Variants in HMBOX1 observed in about 807,000 individuals in gnomAD.
HMBOX1 encodes homeobox containing 1.
In HMBOX1, 14 loss-of-function variants were observed where a neutral mutation model predicts 54.5. That is an observed-to-expected ratio of 0.26 (90% CI 0.17 to 0.40). HMBOX1 has a LOEUF of 0.40. Among genes scored for constraint, HMBOX1 ranks in the 10% least tolerant of loss-of-function variants. The pLI, the probability that HMBOX1 is intolerant of heterozygous loss-of-function variation, is 1.00. For missense variants in HMBOX1, 332 were observed against 514.4 expected (o/e 0.65, Z 3.43); for synonymous variants, 160 against 181.0 (o/e 0.88, Z 0.93).
intron 1 of HMBOX1, among the ~76,000 whole-genome samples, chr8:28,956,353 G>A (rs956710250): frequency 3.3e-5 from 5 of 151,072 alleles, no homozygotes; most frequent in African/African-American, 9.7e-5. Flanking sequence ...AATTTTTAAC[G>A]TTTTGTTTAT....
At chr8:29,030,304 G>A (rs555227480) in intron 6 of HMBOX1, among the ~76,000 whole-genome samples, 1 of 151,252 alleles carries the variant, frequency 6.6e-6, no homozygotes, top group South Asian at 2.1e-4. Context: ...TGCAACATCC[G>A]CCTCCCAGGT....
chr8:28,943,810 C>T (rs764788855), intron 1 of HMBOX1, among the ~76,000 whole-genome samples: 24 of 152,190 alleles, frequency 1.6e-4, no homozygotes, highest in Non-Finnish European at 2.9e-4. Context: ...CTGAAAGGTG[C>T]ATGTCCTGTA....
At chr8:29,005,232 C>T (rs1460457049) in intron 4 of HMBOX1, among the ~76,000 whole-genome samples, 7 of 152,090 alleles carry the variant, frequency 4.6e-5, no homozygotes, top group Non-Finnish European at 7.4e-5. Context: ...AGGGGGAAGA[C>T]AGAAATTCTT....
chr8:29,002,986 C>T (rs537219590), intron 4 of HMBOX1, among the ~76,000 whole-genome samples: 2 of 152,062 alleles, frequency 1.3e-5, no homozygotes, highest in South Asian at 4.2e-4. Context: ...AAAAGAAAGT[C>T]AGACTTTCAA....
intron 3 of HMBOX1, among the ~76,000 whole-genome samples, chr8:28,976,428 C>T (rs1052701606): frequency 6.6e-6 from 1 of 152,072 alleles, no homozygotes; most frequent in African/African-American, 2.4e-5. Flanking sequence ...GATGGAGTCT[C>T]ACTCTGTTGC....
At chr8:28,998,668 C>A (rs1327624098) in intron 4 of HMBOX1, among the ~76,000 whole-genome samples, 1 of 151,894 alleles carries the variant, frequency 6.6e-6, no homozygotes, top group African/African-American at 2.4e-5. Context: ...TTTATATCTG[C>A]CATTTTGCCA....
rs148137309 is a variant in HMBOX1, at chr8:29,019,119, C to T, written c.851+206C>T. Among the ~76,000 whole-genome samples the T allele has an allele frequency of 9.9e-5, 15 of 152,200 alleles. No individual in the cohort carries two copies. The East Asian group carries it at 2.7e-3, about 27-fold the overall frequency. Reference sequence around the variant, plus strand: ...TCATAAAGCTGGAGTTAGCATCTGTCAATTTATTTTACTTATAATAGTGTC... The same window carrying T: ...TCATAAAGCTGGAGTTAGCATCTGTTAATTTATTTTACTTATAATAGTGTC... On this transcript the variant is annotated intron_variant, in intron 6 of 9. Coordinates refer to ENST00000287701, the MANE Select transcript of HMBOX1 (RefSeq NM_001135726.3).
chr8:29,021,247 A>C, intron 6 of HMBOX1, among the ~76,000 whole-genome samples: 1 of 152,216 alleles, frequency 6.6e-6, no homozygotes, highest in South Asian at 2.1e-4. Context: ...ATTTCAAATG[A>C]GTCAAAGAAG....
At chr8:28,982,893 C>T (rs915198838) in intron 4 of HMBOX1, among the ~76,000 whole-genome samples, 1 of 151,946 alleles carries the variant, frequency 6.6e-6, no homozygotes, top group African/African-American at 2.4e-5. Context: ...CAAAGTGCTG[C>T]GATTACAGGC....
At chr8:28,968,795 A>G (rs1384109356) in intron 2 of HMBOX1, among the ~76,000 whole-genome samples, 3 of 152,218 alleles carry the variant, frequency 2.0e-5, no homozygotes, top group Non-Finnish European at 4.4e-5. Flanking sequence ...GCCATGCATT[A>G]TATTTGGCAC....
chr8:29,014,780 A>G lies in HMBOX1; in HGVS notation c.698-3980A>G, dbSNP rs191947575. 2.6e-4 allele frequency among the ~76,000 whole-genome samples: 39 copies of G among 152,072 alleles called. No individual in the cohort carries two copies. The East Asian group carries it at 7.4e-3, about 29-fold the overall frequency. On this transcript the variant is annotated intron_variant, in intron 5 of 9. Transcript: ENST00000287701. ...CTGCAACCTCTGCCTCCTGGGTTCA[A>G]GCGATTCTCCTGCCTCGGCCTCCTG... is the stretch of plus-strand genomic sequence containing the variant.
chr8:29,006,495 G>A (rs547791929), intron 4 of HMBOX1, among the ~76,000 whole-genome samples: 2 of 152,326 alleles, frequency 1.3e-5, no homozygotes, highest in South Asian at 4.1e-4. Flanking sequence ...GTTTCCCAAA[G>A]TGGCCCTGCC....
At chr8:29,014,269 GGA>G (rs1586485831) in intron 5 of HMBOX1, among the ~76,000 whole-genome samples, 1 of 130,112 alleles carries the variant, frequency 7.7e-6, no homozygotes, top group African/African-American at 2.9e-5. Context: ...TTAGATGGGG[GGA>G]AAAAAGATTT....
At chr8:28,986,718 G>C (rs1451451702) in intron 4 of HMBOX1, among the ~76,000 whole-genome samples, 1 of 152,238 alleles carries the variant, frequency 6.6e-6, no homozygotes, top group East Asian at 1.9e-4. Flanking sequence ...ATTTTCTTTT[G>C]TTTTGCAGCC....
intron 3 of HMBOX1, among the ~76,000 whole-genome samples, chr8:28,974,501 C>A (rs1195462403): frequency 1.3e-5 from 2 of 152,000 alleles, no homozygotes; most frequent in African/African-American, 4.8e-5. Flanking sequence ...GGATATTATT[C>A]TTAACAACCC....
At chr8:29,050,916 T>C (rs2133412376) in intron 9 of HMBOX1, 102 bp from the exon 10 acceptor site, 5 of 1,137,590 alleles carry the variant, frequency 4.4e-6, no homozygotes, top group Middle Eastern at 2.7e-4. Flanking sequence ...TCCCCCAGTT[T>C]CCTCCCACGA....
intron 6 of HMBOX1, 21 bp downstream of exon 6, chr8:29,018,934 C>G (rs181152736): frequency 6.2e-7 from 1 of 1,611,554 alleles, no homozygotes; most frequent in African/African-American, 1.3e-5. Context: ...CCTTTTTCTA[C>G]GAATGATCTC....
At chr8:28,900,553 CT>C (rs1056635817) in intron 1 of HMBOX1, among the ~76,000 whole-genome samples, 20 of 152,060 alleles carry the variant, frequency 1.3e-4, no homozygotes, top group African/African-American at 4.8e-4. Context: ...TCTCTGATTG[CT>C]TATGTCAGTA....
chr8:28,913,855 CTTT>C (rs1304959910), intron 1 of HMBOX1, among the ~76,000 whole-genome samples: 9 of 101,322 alleles, frequency 8.9e-5, no homozygotes, highest in East Asian at 5.4e-4. Flanking sequence ...TCAAGTGATT[CTTT>C]TTTTTTTTTT....
Sources: gnomAD v4.1 joint callset for allele counts (sites outside exome capture counted in the v4.1 genomes callset) on GRCh38, gnomAD v4.1.1 for gene constraint, MANE v1.5 for transcripts, NCBI Gene and HGNC (gene_info 2026-07-23, HGNC 2026-07-21) for gene names.